The following TEK variants were observed in gnomAD, a reference collection of about 807,000 sequenced individuals.
TEK encodes the protein angiopoietin-1 receptor.
A neutral mutation model predicts 131.8 loss-of-function variants in TEK; 43 were observed. The observed-to-expected ratio is 0.33, with a 90% CI of 0.26 to 0.42. The LOEUF is 0.42. TEK is among the 10% of genes least tolerant of loss of function. The probability of loss-of-function intolerance (pLI) is 1.00; values close to 1 mark genes in which losing one functional copy is unlikely to be tolerated. For synonymous variants in TEK, 580 were observed against 491.6 expected (o/e 1.18, Z -2.38); for missense variants, 1,162 against 1,384.4 (o/e 0.84, Z 2.55).
chr9:27,206,447 C>A (rs1657263185), intron 14 of TEK, 135 bp from the exon 15 acceptor site: 1 of 1,062,982 alleles, frequency 9.4e-7, no homozygotes. Context: ...TGATGAAAAC[C>A]TATTTCCCTT....
intron 18 of TEK, among the ~76,000 whole-genome samples, chr9:27,214,874 T>C (rs1176323650): frequency 6.6e-6 from 1 of 152,106 alleles, no homozygotes; most frequent in Non-Finnish European, 1.5e-5. Context: ...CTTTTCTCCC[T>C]AACCTTTTCA....
chr9:27,176,735 A>G (rs2131157307), intron 6 of TEK, among the ~76,000 whole-genome samples: 1 of 152,374 alleles, frequency 6.6e-6, no homozygotes, highest in South Asian at 2.1e-4. Flanking sequence ...TTTCAAGTGT[A>G]CAATACAGTA....
intron 2 of TEK, among the ~76,000 whole-genome samples, chr9:27,158,495 T>C (rs1457677037): frequency 2.6e-5 from 4 of 152,162 alleles, no homozygotes; most frequent in Non-Finnish European, 5.9e-5. Context: ...TTTTGAGCTT[T>C]CTTATTTGAT....
chr9:27,194,307 T>C (rs1238770989), intron 11 of TEK, among the ~76,000 whole-genome samples: 1 of 152,170 alleles, frequency 6.6e-6, no homozygotes, highest in African/African-American at 2.4e-5. Context: ...AACAGAAACA[T>C]CCTTCCTTCA....
At chr9:27,157,215 T>C (rs975125696) in intron 1 of TEK, among the ~76,000 whole-genome samples, 8 of 152,172 alleles carry the variant, frequency 5.3e-5, no homozygotes, top group African/African-American at 1.2e-4. Context: ...GTATGCAATA[T>C]ATAACAGACA....
intron 12 of TEK, among the ~76,000 whole-genome samples, chr9:27,198,609 C>T (rs1477476099): frequency 6.6e-6 from 1 of 152,196 alleles, no homozygotes; most frequent in African/African-American, 2.4e-5. Context: ...CAATCACATT[C>T]CTCCCATCCA....
chr9:27,214,465 C>CTT (rs1382564385), intron 18 of TEK, among the ~76,000 whole-genome samples: 1 of 152,158 alleles, frequency 6.6e-6, no homozygotes. Flanking sequence ...TATAGACAAT[C>CTT]TTTTTGCTTT....
intron 9 of TEK, among the ~76,000 whole-genome samples, chr9:27,187,684 T>C (rs1177011593): frequency 6.6e-6 from 1 of 152,194 alleles, no homozygotes; most frequent in African/African-American, 2.4e-5. Flanking sequence ...CTCATAATTC[T>C]GGAGGCTACA....
chr9:27,207,523 T>C (rs1163128475), intron 15 of TEK, among the ~76,000 whole-genome samples: 1 of 152,224 alleles, frequency 6.6e-6, no homozygotes, highest in Non-Finnish European at 1.5e-5. Context: ...TAATAATATT[T>C]GATAATATCT....
At chr9:27,144,033 C>G (rs979434487) in intron 1 of TEK, among the ~76,000 whole-genome samples, 4 of 152,178 alleles carry the variant, frequency 2.6e-5, no homozygotes, top group African/African-American at 9.7e-5. Flanking sequence ...CCTGTAATCC[C>G]AGCACTTTGG....
At chr9:27,218,614 T>TAAGAGGAGAGAAACCTACACTGTGTGC in intron 19 of TEK, among the ~76,000 whole-genome samples, 163 bp from the exon 20 acceptor site, 2 of 152,130 alleles carry the variant, frequency 1.3e-5, no homozygotes, top group African/African-American at 4.8e-5. Flanking sequence ...TCCATTGAGC[T>TAAGAGGAGAGAAACCTACACTGTGTGC]AAGAGGAGAG....
At chr9:27,164,780 C>T (rs1823667966) in intron 2 of TEK, among the ~76,000 whole-genome samples, 1 of 152,158 alleles carries the variant, frequency 6.6e-6, no homozygotes, top group Non-Finnish European at 1.5e-5. Context: ...AAGAGATCCT[C>T]CCACCTTGGC....
At chr9:27,109,686 CAGAGTT>C in intron 1 of TEK, 44 bp downstream of exon 1, 2 of 1,600,448 alleles carry the variant, frequency 1.2e-6, no homozygotes, top group East Asian at 2.2e-5. Context: ...TTTTAAAAAA[CAGAGTT>C]AGTGATTTCT....
At chr9:27,130,293 G>C (rs1822160963) in intron 1 of TEK, among the ~76,000 whole-genome samples, 1 of 151,926 alleles carries the variant, frequency 6.6e-6, no homozygotes, top group Non-Finnish European at 1.5e-5. Flanking sequence ...AATGGAGAAA[G>C]AAATAACAGG....
At position 27,197,589 on chromosome 9, in the gene TEK, C is replaced by A; in HGVS notation, c.1899C>A (p.Thr633=). 6.2e-7 allele frequency: 1 copy of A among 1,613,784 alleles called. No individual in the cohort carries two copies. Among genetic ancestry groups the A allele is most frequent in the Non-Finnish European group, 8.5e-7 (1 of 1,179,934 alleles). ...GGAGTGAAGATCTCACTGCTTGGAC[C>A]CTTAGTGACAGTAAGTAATTCATGC... ...GEWSEDLTAW[T]LSDILPPQPE... The change falls in exon 12 of 23, where the codon ACC becomes ACA. Residue 633 remains threonine, a synonymous_variant. Transcript: ENST00000380036.
intron 1 of TEK, among the ~76,000 whole-genome samples, chr9:27,143,690 C>T (rs947397411): frequency 6.6e-5 from 10 of 152,188 alleles, no homozygotes; most frequent in African/African-American, 9.7e-5. Flanking sequence ...TATGTACACA[C>T]GCACATTGTC....
chr9:27,206,816 C>A (rs1430808312), intron 15 of TEK, 24 bp downstream of exon 15: 4 of 1,610,474 alleles, frequency 2.5e-6, no homozygotes, highest in South Asian at 2.2e-5. Context: ...CAGATAGAGT[C>A]AGCATTGCGT....
At chr9:27,221,534 C>G (rs1826081061) in intron 21 of TEK, among the ~76,000 whole-genome samples, 1 of 152,182 alleles carries the variant, frequency 6.6e-6, no homozygotes, top group African/African-American at 2.4e-5. Flanking sequence ...ACAGCTCTGG[C>G]TGGCATCTGG....
At chr9:27,135,630 C>T (rs1352372511) in intron 1 of TEK, among the ~76,000 whole-genome samples, 1 of 152,022 alleles carries the variant, frequency 6.6e-6, no homozygotes, top group African/African-American at 2.4e-5. Context: ...GAAATAAGTA[C>T]CACCAGCTTC....
Sources: allele counts gnomAD v4.1 joint callset (sites outside exome capture counted in the v4.1 genomes callset), GRCh38; gene constraint gnomAD v4.1.1; transcripts MANE v1.5; gene names NCBI Gene and HGNC (gene_info 2026-07-23, HGNC 2026-07-21).